TAFA2: variants seen among roughly 807,000 people sequenced by gnomAD.
The protein encoded by TAFA2 is chemokine-like protein TAFA-2.
TAFA2 carries 7 observed loss-of-function variants against 18.8 expected under a neutral mutation model. The ratio of observed to expected loss-of-function variants is 0.37; its 90% CI spans 0.21 to 0.70. The LOEUF (loss-of-function observed/expected upper bound fraction) is 0.70. Among genes scored for constraint, TAFA2 ranks in the 30% least tolerant of loss-of-function variants. The pLI is 0.53. For missense variants in TAFA2, 122 were observed against 158.1 expected, an observed-to-expected ratio of 0.77 and a Z score of 1.23; for synonymous variants, 60 against 54.2, an observed-to-expected ratio of 1.11 and a Z score of -0.47.
chr12:61,814,004 G>A (rs7972245), intron 2 of TAFA2, among the ~76,000 whole-genome samples: 132,527 of 151,342 alleles, frequency 0.88, 58,299 homozygotes, highest in African/African-American at 0.93. Context: ...AGTAACAGTT[G>A]AGCAATCTGT....
At chr12:61,944,138 G>C (rs1269124494) in intron 1 of TAFA2, among the ~76,000 whole-genome samples, 1 of 136,616 alleles carries the variant, frequency 7.3e-6, no homozygotes, top group African/African-American at 2.9e-5. Flanking sequence ...CTAGAACTCA[G>C]GATTAAGAAT....
intron 1 of TAFA2, among the ~76,000 whole-genome samples, chr12:61,929,644 C>G (rs2121389991): frequency 6.6e-6 from 1 of 151,542 alleles, no homozygotes; most frequent in Admixed American, 6.6e-5. Context: ...ACCCAGCCAT[C>G]CCATTACCGG....
chr12:61,849,039 T>G (rs1458916691), intron 2 of TAFA2, among the ~76,000 whole-genome samples: 1 of 152,128 alleles, frequency 6.6e-6, no homozygotes, highest in African/African-American at 2.4e-5. Context: ...AGACAGGGTT[T>G]CACCATGTTG....
intron 1 of TAFA2, chr12:62,255,123 T>C (rs1324220589): frequency 6.6e-6 from 1 of 152,222 alleles, no homozygotes; most frequent in Non-Finnish European, 1.5e-5. Flanking sequence ...CGTATTTTAA[T>C]TAAATTTGAC....
intron 1 of TAFA2, among the ~76,000 whole-genome samples, chr12:62,115,879 T>C (rs1297842819): frequency 6.6e-6 from 1 of 152,162 alleles, no homozygotes. Context: ...TCTAGCTGGC[T>C]CAACTTCAGT....
chr12:62,031,293 T>C (rs1435980668), intron 1 of TAFA2, among the ~76,000 whole-genome samples: 1 of 151,882 alleles, frequency 6.6e-6, no homozygotes, highest in Non-Finnish European at 1.5e-5. Context: ...GGCAGAAAAA[T>C]GTGAAAAGAG....
chr12:62,150,313 T>A (rs1245434), intron 1 of TAFA2, among the ~76,000 whole-genome samples: 148,351 of 152,328 alleles, frequency 0.97, 72,345 homozygotes, highest in Middle Eastern at 1. Flanking sequence ...CCTATCTCAT[T>A]CCTATTTTTG....
At position 61,910,100 on chromosome 12, in the gene TAFA2, T is replaced by TTG. The variant is rs71083963; in HGVS notation, c.-1-42676_-1-42675dup. ...TGCGTGCTTGTGTGTGTGTGTGTGT[T>TTG]TGTGTGTGTGTGTGTGTGTGTGTGT... On this transcript the variant is annotated intron_variant, in intron 1 of 4. Coordinates refer to ENST00000416284, the MANE Select transcript of TAFA2 (RefSeq NM_178539.5). 2.8e-3 allele frequency among the ~76,000 whole-genome samples: 402 copies of TTG among 144,896 alleles called. 1 individual carries two copies. The highest frequency in any genetic ancestry group is 0.014 in the Middle Eastern group (4 of 278).
intron 1 of TAFA2, among the ~76,000 whole-genome samples, chr12:62,186,180 C>T (rs2062584649): frequency 6.6e-6 from 1 of 152,094 alleles, no homozygotes; most frequent in Non-Finnish European, 1.5e-5. Context: ...CAGAAAGTTC[C>T]ATGTGCAGCT....
intron 1 of TAFA2, among the ~76,000 whole-genome samples, chr12:61,971,696 G>A: frequency 6.6e-6 from 1 of 151,694 alleles, no homozygotes; most frequent in East Asian, 2.0e-4. Flanking sequence ...GACACTGGGA[G>A]GGAAACATAC....
chr12:61,730,625 T>A (rs1870398052), intron 4 of TAFA2, among the ~76,000 whole-genome samples: 1 of 151,904 alleles, frequency 6.6e-6, no homozygotes. Context: ...CTCAGGCCAA[T>A]CGATTCATGT....
chr12:61,914,157 A>G (rs982508967), intron 1 of TAFA2, among the ~76,000 whole-genome samples: 1 of 152,196 alleles, frequency 6.6e-6, no homozygotes, highest in Non-Finnish European at 1.5e-5. Flanking sequence ...TGATGCCCTA[A>G]GGATGAAGAT....
chr12:62,040,023 T>C (rs1881716249), intron 1 of TAFA2, among the ~76,000 whole-genome samples: 1 of 152,182 alleles, frequency 6.6e-6, no homozygotes, highest in East Asian at 1.9e-4. Context: ...TTCATTTTAA[T>C]TAAGAATGCT....
In TAFA2 at chr12:62,064,379, T is replaced by G. The variant is rs370954336; in HGVS notation, c.-2+126880A>C. On this transcript the variant is annotated intron_variant, in intron 1 of 4. Coordinates refer to ENST00000416284, the MANE Select transcript of TAFA2 (RefSeq NM_178539.5). ...GTAGTTGCCATTCCACAAACCCACT[T>G]GGTTTTGAATAATTAAAAAAACAAA... Among the ~76,000 whole-genome samples the G allele has an allele frequency of 8.2e-4, 125 of 152,232 alleles. 2 individuals are homozygous for G. Among genetic ancestry groups the G allele is most frequent in the African/African-American group, 2.9e-3 (122 of 41,564 alleles).
intron 1 of TAFA2, chr12:62,258,335 G>A (rs1471997049): frequency 1.3e-5 from 2 of 152,152 alleles, no homozygotes; most frequent in South Asian, 2.1e-4. Flanking sequence ...CAGTTAACCT[G>A]CTGCCTTGAG....
intron 1 of TAFA2, chr12:61,878,106 G>A (rs1334239187): frequency 1.3e-5 from 6 of 455,060 alleles, no homozygotes; most frequent in South Asian, 3.1e-5. Context: ...AGTCAAATTC[G>A]TTGAGACAGA....
chr12:61,721,374 T>C (rs1414585070), intron 4 of TAFA2, among the ~76,000 whole-genome samples: 1 of 152,168 alleles, frequency 6.6e-6, no homozygotes, highest in Non-Finnish European at 1.5e-5. Flanking sequence ...AGATAAAATA[T>C]TTGTGATCTT....
chr12:62,048,062 G>A (rs866880678), intron 1 of TAFA2, among the ~76,000 whole-genome samples: 3 of 152,144 alleles, frequency 2.0e-5, no homozygotes, highest in Non-Finnish European at 4.4e-5. Context: ...CTTCTAATTC[G>A]GAATTAATCT....
chr12:62,252,687 A>G (rs2062920320), intron 1 of TAFA2: 1 of 152,226 alleles, frequency 6.6e-6, no homozygotes, highest in Non-Finnish European at 1.5e-5. Context: ...ATTCTTCAAC[A>G]GGCCATTCCG....
Sources: gnomAD v4.1 joint callset for allele counts (sites outside exome capture counted in the v4.1 genomes callset) on GRCh38, gnomAD v4.1.1 for gene constraint, MANE v1.5 for transcripts, NCBI Gene and HGNC (gene_info 2026-07-23, HGNC 2026-07-21) for gene names.